The following PKD1L1 variants were observed in gnomAD, a reference collection of about 807,000 sequenced individuals.
The protein encoded by PKD1L1 is polycystin-1-like protein 1.
PKD1L1 carries 236 observed loss-of-function variants against 323.4 expected under a neutral mutation model. That is an observed-to-expected ratio of 0.73 (90% CI 0.66 to 0.81). PKD1L1 has a LOEUF of 0.81. Among genes scored for constraint, PKD1L1 ranks in the 40% least tolerant of loss-of-function variants. The pLI, the probability that PKD1L1 is intolerant of heterozygous loss-of-function variation, is 0.00. For synonymous variants in PKD1L1, 1,344 were observed against 1,335.0 expected (o/e 1.01, Z -0.15); for missense variants, 3,320 against 3,508.0 (o/e 0.95, Z 1.35).
Position 47,931,954 on chromosome 7 carries a change from T to C in PKD1L1, c.501A>G (p.Thr167=). 1 of 1,613,582 alleles carries C rather than the reference T, an allele frequency of 6.2e-7. No homozygotes were observed. Among genetic ancestry groups the C allele is most frequent in the Non-Finnish European group, 8.5e-7 (1 of 1,179,636 alleles). The change falls in exon 5 of 57, where the codon ACA becomes ACG. Residue 167 remains threonine (T), a synonymous_variant. Transcript: ENST00000289672. ...RLCATGTADS[T]FSALLQLQGT... is the part of the protein sequence containing the mutation. ...TACCAACCTGGAGAAGAGCAGAGAA[T>C]GTGCTGTCTGCGGTCCCAGTAGCAC...
In PKD1L1 at chr7:47,868,085, A is replaced by C. The variant is rs142990090; in HGVS notation, c.3897-1471T>G. On this transcript the variant is annotated intron_variant, in intron 24 of 56. Transcript: ENST00000289672. ...GAAATATAATGTAACAAGAACACAA[A>C]GTCTAGGCGTGGTGGCTCATGCCTG... Among the ~76,000 whole-genome samples the C allele has an allele frequency of 1.2e-3, 185 of 152,340 alleles. 1 individual carries two copies. The highest frequency in any genetic ancestry group is 6.8e-3 in the Middle Eastern group (2 of 294).
In PKD1L1 at chr7:47,836,971, A is replaced by G. The variant is rs1257200222; in HGVS notation, c.5893T>C (p.Cys1965Arg). The change falls in exon 37 of 57, where the codon TGC (cysteine) becomes CGC (arginine). Residue 1965 changes from cysteine (C) to arginine (R), a missense_variant. Physicochemically the swap from Cys to Arg is radical, Grantham distance 180. Transcript: ENST00000289672. ...PRLTVSFSLLCVYACLTALVA... is the reference protein window; with the variant it reads ...PRLTVSFSLLRVYACLTALVA... ...AGGGCAGTGAGACACGCGTAGACGC[A>G]CAGCAGGGAGAAGGACACGGTGAGG... 8.1e-6 allele frequency: 13 copies of G among 1,614,212 alleles called. No individual in the cohort carries two copies. Among genetic ancestry groups the G allele is most frequent in the Non-Finnish European group, 1.1e-5 (13 of 1,180,048 alleles).
intron 46 of PKD1L1, among the ~76,000 whole-genome samples, chr7:47,816,722 T>G (rs1164053860): frequency 6.6e-6 from 1 of 152,238 alleles, no homozygotes; most frequent in African/African-American, 2.4e-5. Context: ...GTCACCCAAG[T>G]ACACACAGTT....
At chr7:47,941,555 A>G (rs1026330143) in intron 2 of PKD1L1, among the ~76,000 whole-genome samples, 3 of 152,266 alleles carry the variant, frequency 2.0e-5, no homozygotes, top group Admixed American at 1.3e-4. Context: ...TGTGATAACA[A>G]AAGCTGAGGA....
intron 13 of PKD1L1, among the ~76,000 whole-genome samples, chr7:47,899,588 C>T (rs74869021): frequency 0.015 from 2,227 of 151,976 alleles, 14 homozygotes; most frequent in Middle Eastern, 0.024. Context: ...CTGGCCAGAG[C>T]GCCTCCACCC....
chr7:47,937,539 G>T (rs901293138), intron 3 of PKD1L1, among the ~76,000 whole-genome samples: 1 of 152,176 alleles, frequency 6.6e-6, no homozygotes, highest in Non-Finnish European at 1.5e-5. Flanking sequence ...CTGAGCACAA[G>T]AGTGGCACGC....
chr7:47,960,049 C>G, the PKD1L1 span, among the ~76,000 whole-genome samples: 1 of 152,088 alleles, frequency 6.6e-6, no homozygotes, highest in Non-Finnish European at 1.5e-5. Flanking sequence ...GCCTTGTGAT[C>G]CTGTTGATCA....
At chr7:47,789,360 T>C (rs1793892246) in intron 56 of PKD1L1, among the ~76,000 whole-genome samples, 1 of 152,222 alleles carries the variant, frequency 6.6e-6, no homozygotes, top group South Asian at 2.1e-4. Flanking sequence ...TTCCTAAAGG[T>C]TATTTTCTGT....
intron 54 of PKD1L1, among the ~76,000 whole-genome samples, chr7:47,798,639 C>T (rs201575379): frequency 6.6e-6 from 1 of 151,890 alleles, no homozygotes; most frequent in Non-Finnish European, 1.5e-5. Context: ...CCTGTAATCC[C>T]AGCTACTCAG....
the PKD1L1 span, among the ~76,000 whole-genome samples, chr7:47,960,388 A>AACAAAC: frequency 2.0e-3 from 259 of 132,366 alleles, 1 homozygote; most frequent in African/African-American, 6.5e-3. Flanking sequence ...AAAAAAAAAA[A>AACAAAC]AAAAAACTGT....
chr7:47,836,842 T>G, intron 37 of PKD1L1, 79 bp downstream of exon 37: 1 of 1,464,308 alleles, frequency 6.8e-7, no homozygotes, highest in South Asian at 1.3e-5. Context: ...ACTGTGAGCT[T>G]TGTTGATTTC....
At chr7:47,854,432 C>T (rs1286507837) in intron 30 of PKD1L1, among the ~76,000 whole-genome samples, 1 of 152,110 alleles carries the variant, frequency 6.6e-6, no homozygotes, top group African/African-American at 2.4e-5. Context: ...CTTACCTTCC[C>T]AATAGTCAAT....
intron 47 of PKD1L1, among the ~76,000 whole-genome samples, chr7:47,814,802 G>A (rs922584482): frequency 3.3e-5 from 5 of 152,166 alleles, no homozygotes; most frequent in South Asian, 2.1e-4. Flanking sequence ...GTGAGCCACC[G>A]CGCCCAGGAT....
chr7:47,947,054 G>C (rs1788111958), intron 1 of PKD1L1, among the ~76,000 whole-genome samples: 1 of 152,122 alleles, frequency 6.6e-6, no homozygotes. Context: ...TGGGCATTTG[G>C]AATAAAAGAA....
intron 31 of PKD1L1, 30 bp from the exon 32 acceptor site, chr7:47,847,101 C>CA (rs745508458): frequency 2.2e-5 from 33 of 1,524,556 alleles, no homozygotes; most frequent in Non-Finnish European, 2.5e-5. Context: ...ATAAAAAGTA[C>CA]AACCTGAGGT....
chr7:47,834,419 G>A (rs757550807), intron 39 of PKD1L1, 34 bp from the exon 40 acceptor site: 11 of 1,567,536 alleles, frequency 7.0e-6, no homozygotes, highest in Non-Finnish European at 7.9e-6. Flanking sequence ...AATGTACGAT[G>A]CTTTGGGGTG....
intron 56 of PKD1L1, among the ~76,000 whole-genome samples, chr7:47,775,444 C>A (rs970146652): frequency 1.3e-5 from 2 of 152,208 alleles, no homozygotes; most frequent in South Asian, 4.2e-4. Flanking sequence ...GTTCTCTGAC[C>A]ACAGCAGAAT....
chr7:47,796,747 G>C (rs1198176951), intron 54 of PKD1L1, among the ~76,000 whole-genome samples: 1 of 151,824 alleles, frequency 6.6e-6, no homozygotes, highest in African/African-American at 2.4e-5. Context: ...CAGCACTTTG[G>C]GAGGCCAAGG....
intron 42 of PKD1L1, 39 bp from the exon 43 acceptor site, chr7:47,830,163 G>C (rs759770117): frequency 7.7e-6 from 12 of 1,551,230 alleles, no homozygotes; most frequent in Admixed American, 1.7e-5. Flanking sequence ...CCCCCTCTAA[G>C]GGAGCAGGCC....
Sources: gnomAD v4.1 joint callset for allele counts (sites outside exome capture counted in the v4.1 genomes callset) on GRCh38, gnomAD v4.1.1 for gene constraint, MANE v1.5 for transcripts, NCBI Gene and HGNC (gene_info 2026-07-23, HGNC 2026-07-21) for gene names.